The following SLC15A5 variants were observed in gnomAD, a reference collection of about 807,000 sequenced individuals.
SLC15A5 encodes the protein Peptide/histidine transporter ENSP00000340402.
In SLC15A5, 58 loss-of-function variants were observed where a neutral mutation model predicts 56.1. That is an observed-to-expected ratio of 1.03 (90% CI 0.84 to 1.29). SLC15A5 has a LOEUF of 1.29. Among genes scored for constraint, SLC15A5 ranks in the 50% most tolerant of loss-of-function variants. The pLI is 0.00. For missense variants in SLC15A5, 681 were observed against 672.1 expected (o/e 1.01, Z -0.15); for synonymous variants, 264 against 250.5 (o/e 1.05, Z -0.51).
At chr12:16,190,018 C>A (rs1008360938) in intron 8 of SLC15A5, among the ~76,000 whole-genome samples, 16 of 152,140 alleles carry the variant, frequency 1.1e-4, no homozygotes, top group Non-Finnish European at 1.5e-5. Context: ...TAAAGTGTCT[C>A]ATAAGGACCT....
chr12:16,258,801 C>G (rs561918897), intron 2 of SLC15A5, among the ~76,000 whole-genome samples: 1 of 152,010 alleles, frequency 6.6e-6, no homozygotes, highest in South Asian at 2.1e-4. Context: ...TGAGAAACCC[C>G]AATTATCTCT....
At chr12:16,228,565 C>T (rs922417592) in intron 5 of SLC15A5, among the ~76,000 whole-genome samples, 4 of 152,098 alleles carry the variant, frequency 2.6e-5, no homozygotes, top group Non-Finnish European at 4.4e-5. Flanking sequence ...CCTTGAACAA[C>T]ATGGGTTTGA....
chr12:16,197,393 T>G (rs779248580), intron 7 of SLC15A5, among the ~76,000 whole-genome samples: 12 of 151,502 alleles, frequency 7.9e-5, no homozygotes, highest in Non-Finnish European at 1.8e-4. Context: ...GGAGATGATC[T>G]GTCTATGTGA....
rs1367348881 is a variant in SLC15A5 at position 16,237,130 on chromosome 12, A to C, written c.1162+2551T>G. Among the ~76,000 whole-genome samples, 1 of 152,194 alleles carries C rather than the reference A, an allele frequency of 6.6e-6. No homozygotes were observed. The highest frequency in any genetic ancestry group is 1.5e-5 in the Non-Finnish European group (1 of 68,028). On this transcript the variant is annotated intron_variant, in intron 5 of 8. Coordinates refer to ENST00000344941, the MANE Select transcript of SLC15A5 (RefSeq NM_001170798.1). This position sits in a 1 kb window ranked among gnomAD's most constrained non-coding sequence, Gnocchi z 4.1. Reference sequence around the variant, plus strand: ...CACATTTTCAGGCACTTGAGTTCAAAGTGAAAGGTAACTTTAATATTAGAC... The same window carrying C: ...CACATTTTCAGGCACTTGAGTTCAACGTGAAAGGTAACTTTAATATTAGAC...
intron 7 of SLC15A5, among the ~76,000 whole-genome samples, chr12:16,206,634 G>T (rs1308905437): frequency 2.6e-5 from 4 of 152,170 alleles, no homozygotes; most frequent in African/African-American, 9.7e-5. Flanking sequence ...AAAGGGGACA[G>T]AATAAATATT....
intron 2 of SLC15A5, among the ~76,000 whole-genome samples, chr12:16,270,506 C>T (rs1047211835): frequency 6.6e-6 from 1 of 152,116 alleles, no homozygotes; most frequent in African/African-American, 2.4e-5. Flanking sequence ...CCCTCTTTCC[C>T]AGCATTTAGA....
chr12:16,266,039 C>A (rs777665762), intron 2 of SLC15A5, among the ~76,000 whole-genome samples: 2 of 152,100 alleles, frequency 1.3e-5, no homozygotes, highest in Non-Finnish European at 2.9e-5. Context: ...AATAATTGGC[C>A]TAGAAAGTGA....
chr12:16,212,894 A>G (rs907586685), intron 7 of SLC15A5, among the ~76,000 whole-genome samples: 1 of 152,202 alleles, frequency 6.6e-6, no homozygotes, highest in Non-Finnish European at 1.5e-5. Context: ...GCTGCATCTA[A>G]TTAGAAAAAA....
intron 2 of SLC15A5, among the ~76,000 whole-genome samples, chr12:16,258,723 A>G (rs1342853474): frequency 1.3e-5 from 2 of 152,158 alleles, no homozygotes; most frequent in Non-Finnish European, 2.9e-5. Context: ...TTAAAATTTA[A>G]AGGGCTTATG....
intron 3 of SLC15A5, among the ~76,000 whole-genome samples, chr12:16,246,942 G>A (rs896649965): frequency 6.6e-6 from 1 of 152,028 alleles, no homozygotes; most frequent in African/African-American, 2.4e-5. Flanking sequence ...AACTATCGTG[G>A]TCAATTCATT....
At chr12:16,218,713 C>G (rs1163567660) in intron 6 of SLC15A5, among the ~76,000 whole-genome samples, 2 of 152,066 alleles carry the variant, frequency 1.3e-5, no homozygotes, top group South Asian at 4.1e-4. Flanking sequence ...ATACGTGATC[C>G]ATCATTGATC....
chr12:16,235,007 T>C lies in SLC15A5; in HGVS notation c.1162+4674A>G, dbSNP rs1864333140. On this transcript the variant is annotated intron_variant, in intron 5 of 8. Coordinates refer to ENST00000344941, the MANE Select transcript of SLC15A5 (RefSeq NM_001170798.1). The surrounding 1 kb of genome is among the most constrained non-coding windows in gnomAD (Gnocchi z 4.1). ...GAGTCCTTGAGAAATTCCCTTTGGA[T>C]CCATGATTTTGGCAAATTCCCAGGA... Among the ~76,000 whole-genome samples, 1 of 151,982 alleles carries C rather than the reference T, an allele frequency of 6.6e-6. No individual in the cohort carries two copies. Among genetic ancestry groups the C allele is most frequent in the Non-Finnish European group, 1.5e-5 (1 of 67,940 alleles).
intron 7 of SLC15A5, among the ~76,000 whole-genome samples, chr12:16,207,374 A>G (rs977783829): frequency 1.3e-5 from 2 of 152,248 alleles, no homozygotes; most frequent in Admixed American, 1.3e-4. Context: ...TAGCGTAGAT[A>G]TAATGATTTC....
intron 7 of SLC15A5, among the ~76,000 whole-genome samples, chr12:16,195,371 C>G (rs1004407600): frequency 5.3e-5 from 8 of 151,940 alleles, no homozygotes; most frequent in Non-Finnish European, 8.8e-5. Flanking sequence ...TTAGGCAATA[C>G]TTTAAAAACA....
In SLC15A5 at chr12:16,277,308, C is replaced by T. The variant is rs1260327445; in HGVS notation, c.361+17G>A. 3 of 1,488,704 alleles carry T rather than the reference C, an allele frequency of 2.0e-6. No homozygotes were observed. The Admixed American group carries it at 6.7e-5, about 33-fold the overall frequency. The allele number at this position is 1,488,704 out of a possible 1,614,324, so 92.2% of individuals were successfully genotyped here. The stretch of plus-strand genomic sequence containing the variant: ...TAATTAAGTCACAAAACAATCCAGT[C>T]AGCAGAGGACACTCACCTAGAAAAT... On this transcript the variant is annotated intron_variant, in intron 1 of 8. Transcript: ENST00000344941.
intron 5 of SLC15A5, among the ~76,000 whole-genome samples, chr12:16,233,015 A>G (rs1270623407): frequency 6.6e-6 from 1 of 152,108 alleles, no homozygotes; most frequent in East Asian, 1.9e-4. Context: ...GGAGAAAGAA[A>G]GAAAGGAAGA....
At chr12:16,259,907 G>GGGT (rs1864626576) in intron 2 of SLC15A5, among the ~76,000 whole-genome samples, 1 of 151,182 alleles carries the variant, frequency 6.6e-6, no homozygotes, top group Non-Finnish European at 1.5e-5. Context: ...CGGGCGGGGG[G>GGGT]TAAGTTAGAG....
chr12:16,218,931 C>T (rs1591645706), intron 6 of SLC15A5, among the ~76,000 whole-genome samples: 2 of 152,258 alleles, frequency 1.3e-5, no homozygotes, highest in East Asian at 3.9e-4. Flanking sequence ...CTTACTAACA[C>T]ATGATGTAAA....
At position 16,272,669 on chromosome 12, in the gene SLC15A5, AGTGCTACATAAAACAGCCT is replaced by A; in HGVS notation, c.457_475del (p.Arg153CysfsTer2). On this transcript the variant is annotated frameshift_variant, in exon 2 of 9. Transcript: ENST00000344941. LOFTEE classifies it high-confidence loss of function. ...TCCAATGCCAAGGCAAATGGTCAGC[AGTGCTACATAAAACAGCCT>A]GTGCTGCTCTGTTTTTGGTATGTTG... The A allele has an allele frequency of 6.5e-7, 1 of 1,537,178 alleles. No homozygotes were observed. The highest frequency in any genetic ancestry group is 8.7e-7 in the Non-Finnish European group (1 of 1,146,756).
Sources: allele counts gnomAD v4.1 joint callset (sites outside exome capture counted in the v4.1 genomes callset), GRCh38; gene constraint gnomAD v4.1.1; non-coding constraint Gnocchi (gnomAD v3.1); transcripts MANE v1.5; gene names NCBI Gene and HGNC (gene_info 2026-07-23, HGNC 2026-07-21).